ZNF385D: variants seen among roughly 807,000 people sequenced by gnomAD.
ZNF385D encodes zinc finger protein 385D, also known as zinc finger protein 659.
ZNF385D carries 15 observed loss-of-function variants against 35.8 expected under a neutral mutation model. The ratio of observed to expected loss-of-function variants is 0.42; its 90% CI spans 0.28 to 0.64. ZNF385D has a LOEUF of 0.64. Ranked by LOEUF, ZNF385D falls within the 30% of genes least tolerant of loss-of-function variation. ZNF385D has a pLI of 0.23. For synonymous variants in ZNF385D, 212 were observed against 186.8 expected (o/e 1.13, Z -1.10); for missense variants, 474 against 494.6 (o/e 0.96, Z 0.39).
chr3:21,719,326 G>A (rs1163100452), intron 1 of ZNF385D, among the ~76,000 whole-genome samples: 2 of 152,132 alleles, frequency 1.3e-5, no homozygotes, highest in Non-Finnish European at 1.5e-5. Context: ...AAGTGCCCTG[G>A]TCCACATGAG....
At chr3:22,226,321 C>T (rs754503048) in intron 2 of ZNF385D, among the ~76,000 whole-genome samples, 4 of 152,036 alleles carry the variant, frequency 2.6e-5, no homozygotes. Flanking sequence ...CACGACAGAC[C>T]AGTGGAATCT....
At chr3:22,047,435 T>C (rs1190247235) in intron 3 of ZNF385D, among the ~76,000 whole-genome samples, 1 of 152,130 alleles carries the variant, frequency 6.6e-6, no homozygotes, top group Non-Finnish European at 1.5e-5. Context: ...TAACCACTAT[T>C]GTACTTTCTG....
In ZNF385D at chr3:21,850,792, A is replaced by T. The variant is rs573152002; in HGVS notation, c.326-185764T>A. On this transcript the variant is annotated intron_variant, in intron 3 of 5. Coordinates refer to the ZNF385D transcript ENST00000494108. ...TTAAAAGAAAGAATAAACTGGCCTT[A>T]GGTAAAGGCTATACTATACCTTTCC... Among the ~76,000 whole-genome samples the T allele has an allele frequency of 2.6e-5, 4 of 152,254 alleles. No homozygotes were observed. In the South Asian group the frequency reaches 8.3e-4, roughly 32 times the overall value.
intron 3 of ZNF385D, among the ~76,000 whole-genome samples, chr3:22,123,652 G>A (rs1177222771): frequency 1.3e-5 from 2 of 152,132 alleles, no homozygotes; most frequent in East Asian, 3.9e-4. Flanking sequence ...CTGAGGTCAG[G>A]CATTCAAGAC....
At chr3:21,587,003 A>G (rs946804823) in intron 2 of ZNF385D, among the ~76,000 whole-genome samples, 2 of 152,204 alleles carry the variant, frequency 1.3e-5, no homozygotes, top group African/African-American at 4.8e-5. Flanking sequence ...GGAGAAAATG[A>G]TAGAACAGAA....
intron 1 of ZNF385D, among the ~76,000 whole-genome samples, chr3:21,733,152 C>T (rs1417028981): frequency 6.6e-6 from 1 of 151,858 alleles, no homozygotes; most frequent in Non-Finnish European, 1.5e-5. Context: ...AAGACTTTTT[C>T]CATTATATTT....
intron 2 of ZNF385D, among the ~76,000 whole-genome samples, chr3:22,330,713 G>A (rs2125459956): frequency 6.6e-6 from 1 of 152,278 alleles, no homozygotes; most frequent in Middle Eastern, 3.4e-3. Context: ...AGGGATTTCT[G>A]TGGAATAAGG....
At chr3:21,880,616 C>G (rs562258338) in intron 3 of ZNF385D, among the ~76,000 whole-genome samples, 2 of 152,098 alleles carry the variant, frequency 1.3e-5, no homozygotes, top group Admixed American at 6.6e-5. Flanking sequence ...AATTTAATTA[C>G]TAACCCTACA....
intron 3 of ZNF385D, among the ~76,000 whole-genome samples, chr3:22,004,224 C>G (rs1696048066): frequency 6.6e-6 from 1 of 152,102 alleles, no homozygotes; most frequent in Admixed American, 6.5e-5. Flanking sequence ...ATAAATGGTA[C>G]TGGGAAAGCT....
intron 2 of ZNF385D, among the ~76,000 whole-genome samples, chr3:21,578,270 T>C (rs2063552002): frequency 6.6e-6 from 1 of 152,230 alleles, no homozygotes; most frequent in Non-Finnish European, 1.5e-5. Flanking sequence ...TCCTTCACTC[T>C]ACAGGCTGTC....
intron 2 of ZNF385D, among the ~76,000 whole-genome samples, chr3:21,603,620 A>G (rs1275459787): frequency 6.6e-6 from 1 of 152,136 alleles, no homozygotes; most frequent in Non-Finnish European, 1.5e-5. Flanking sequence ...CAATATGTCT[A>G]ATATGATTAC....
chr3:22,139,937 G>T (rs1054480992), intron 3 of ZNF385D, among the ~76,000 whole-genome samples: 1 of 152,092 alleles, frequency 6.6e-6, no homozygotes, highest in South Asian at 2.1e-4. Flanking sequence ...AAAATGAAAA[G>T]AATATACTGA....
At chr3:22,180,012 A>C (rs1695121767) in intron 2 of ZNF385D, among the ~76,000 whole-genome samples, 1 of 152,200 alleles carries the variant, frequency 6.6e-6, no homozygotes. Flanking sequence ...GTTTTTTGAA[A>C]AGATCAACAA....
At position 22,118,212 on chromosome 3, in the gene ZNF385D, T is replaced by G. The variant is rs376148582; in HGVS notation, c.325+50605A>C. Among the ~76,000 whole-genome samples, 19 of 152,228 alleles carry G rather than the reference T, an allele frequency of 1.2e-4. 1 individual carries two copies. The highest frequency in any genetic ancestry group is 7.2e-4 in the Admixed American group (11 of 15,272). On this transcript the variant is annotated intron_variant, in intron 3 of 5. Transcript: ENST00000494108. ...ATGTCTCTCTTATTCCAAAATCCCA[T>G]TGTTCTAAAGTATGCCATTATTTCC...
intron 3 of ZNF385D, among the ~76,000 whole-genome samples, chr3:22,045,202 C>T (rs1432657887): frequency 6.6e-6 from 1 of 151,602 alleles, no homozygotes; most frequent in African/African-American, 2.4e-5. Context: ...ATGGGGCTTT[C>T]CTCTAGTAGT....
In ZNF385D at chr3:21,484,062, A is replaced by G. The variant is rs532212395; in HGVS notation, c.439+26799T>C. 2.6e-5 allele frequency among the ~76,000 whole-genome samples: 4 copies of G among 152,330 alleles called. No individual in the cohort carries two copies. In the East Asian group the frequency reaches 7.7e-4, roughly 29 times the overall value. ...AGGGATTGCTTAATGACGATTGTATAGTAAGAAATAAAGACATCTCCAAAT... is the reference window on the plus strand; with the variant it reads ...AGGGATTGCTTAATGACGATTGTATGGTAAGAAATAAAGACATCTCCAAAT... On this transcript the variant is annotated intron_variant, in intron 4 of 7. Coordinates refer to ENST00000281523, the MANE Select transcript of ZNF385D (RefSeq NM_024697.3).
At chr3:22,097,722 G>T (rs1701707426) in intron 3 of ZNF385D, among the ~76,000 whole-genome samples, 1 of 152,004 alleles carries the variant, frequency 6.6e-6, no homozygotes, top group South Asian at 2.1e-4. Context: ...CTGTGTGCTT[G>T]GAGAAGCAGC....
At chr3:21,771,187 T>C (rs1163551436) in intron 3 of ZNF385D, among the ~76,000 whole-genome samples, 1 of 151,662 alleles carries the variant, frequency 6.6e-6, no homozygotes, top group East Asian at 1.9e-4. Flanking sequence ...CATGTATACA[T>C]ATGTGACAAA....
intron 3 of ZNF385D, among the ~76,000 whole-genome samples, chr3:21,819,872 CACAT>C (rs905829140): frequency 4.1e-5 from 6 of 148,044 alleles, no homozygotes; most frequent in Admixed American, 6.8e-5. Context: ...CATATATACA[CACAT>C]AATTAGGTTA....
Sources: gnomAD v4.1 joint callset for allele counts (sites outside exome capture counted in the v4.1 genomes callset) on GRCh38, gnomAD v4.1.1 for gene constraint, MANE v1.5 for transcripts, NCBI Gene and HGNC (gene_info 2026-07-23, HGNC 2026-07-21) for gene names.